The following ESRRG variants were observed in gnomAD, a reference collection of about 807,000 sequenced individuals.
The protein encoded by ESRRG is estrogen-related receptor gamma.
A neutral mutation model predicts 44.0 loss-of-function variants in ESRRG; 13 were observed. The observed-to-expected ratio is 0.30, with a 90% CI of 0.19 to 0.47. The LOEUF (loss-of-function observed/expected upper bound fraction) is 0.47. Ranked by LOEUF, ESRRG falls within the 20% of genes least tolerant of loss-of-function variation. The probability of loss-of-function intolerance (pLI) is 1.00; values close to 1 mark genes in which losing one functional copy is unlikely to be tolerated. For synonymous variants in ESRRG, 215 were observed against 214.6 expected (o/e 1.00, Z -0.02); for missense variants, 395 against 580.6 (o/e 0.68, Z 3.29).
intron 2 of ESRRG, among the ~76,000 whole-genome samples, chr1:216,908,689 AC>A (rs2059955318): frequency 6.6e-6 from 1 of 152,164 alleles, no homozygotes; most frequent in African/African-American, 2.4e-5. Context: ...AAGAGAGAGA[AC>A]AAAGAAAGAC....
chr1:216,891,889 T>G (rs1282933685), intron 2 of ESRRG, among the ~76,000 whole-genome samples: 2 of 135,254 alleles, frequency 1.5e-5, no homozygotes, highest in African/African-American at 5.7e-5. Flanking sequence ...AATCTCCACC[T>G]CCTGGGTTCA....
chr1:216,723,577 G>C, upstream of ESRRG: 1 of 447,494 alleles, frequency 2.2e-6, no homozygotes, highest in Non-Finnish European at 4.0e-6. Flanking sequence ...GAGGCTGCAC[G>C]GAGCGAGAGG....
intron 1 of ESRRG, among the ~76,000 whole-genome samples, chr1:217,084,369 T>C (rs1580503177): frequency 6.6e-6 from 1 of 152,210 alleles, no homozygotes. Context: ...ATATGGAAAT[T>C]TGCTTACAAC....
chr1:217,018,124 T>C (rs910722713), intron 1 of ESRRG, among the ~76,000 whole-genome samples: 1 of 152,210 alleles, frequency 6.6e-6, no homozygotes, highest in South Asian at 2.1e-4. Context: ...CACTTTACTA[T>C]GGAAATAATG....
chr1:216,933,181 T>C (rs1325973135), intron 2 of ESRRG, among the ~76,000 whole-genome samples: 1 of 152,170 alleles, frequency 6.6e-6, no homozygotes, highest in Non-Finnish European at 1.5e-5. Context: ...TAGTCATTGT[T>C]ATTCCCATTT....
intron 2 of ESRRG, among the ~76,000 whole-genome samples, chr1:216,656,630 C>T (rs1358096373): frequency 6.6e-6 from 1 of 152,058 alleles, no homozygotes; most frequent in Non-Finnish European, 1.5e-5. Flanking sequence ...TACAGTTTGG[C>T]AGTGAAAGGG....
intron 1 of ESRRG, among the ~76,000 whole-genome samples, chr1:217,081,128 G>T (rs2091727290): frequency 6.7e-6 from 1 of 150,002 alleles, no homozygotes; most frequent in South Asian, 2.1e-4. Flanking sequence ...AATAATTATT[G>T]ATCTACTGCT....
chr1:216,700,375 A>C (rs1352517555), intron 1 of ESRRG, among the ~76,000 whole-genome samples: 1 of 152,238 alleles, frequency 6.6e-6, no homozygotes, highest in East Asian at 1.9e-4. Context: ...TAAGCATTTT[A>C]TCAGATAAAT....
intron 1 of ESRRG, among the ~76,000 whole-genome samples, chr1:216,955,274 T>G (rs2067737354): frequency 6.6e-6 from 1 of 152,170 alleles, no homozygotes; most frequent in Non-Finnish European, 1.5e-5. Flanking sequence ...ATCTCCCATG[T>G]GTAAGAACAT....
At chr1:216,854,159 C>T (rs1405973312) in intron 2 of ESRRG, among the ~76,000 whole-genome samples, 1 of 151,844 alleles carries the variant, frequency 6.6e-6, no homozygotes, top group African/African-American at 2.4e-5. Flanking sequence ...GAGATGGAGA[C>T]CATCCTGGCC....
intron 3 of ESRRG, among the ~76,000 whole-genome samples, chr1:216,638,500 C>G (rs977814795): frequency 1.3e-5 from 2 of 152,240 alleles, no homozygotes; most frequent in Admixed American, 6.5e-5. Flanking sequence ...AGGGCTCAAT[C>G]AATAGTCACA....
chr1:216,513,220 G>C (rs928092632), intron 6 of ESRRG, among the ~76,000 whole-genome samples: 1 of 152,098 alleles, frequency 6.6e-6, no homozygotes, highest in Non-Finnish European at 1.5e-5. Flanking sequence ...GATAAAAAGA[G>C]AGAGAGAAAG....
In ESRRG at chr1:216,962,269, C is replaced by T. The variant is rs74141709; in HGVS notation, c.-105-22596G>A. ...CCTCAGTGTGAGACCCTGGCATTGC[C>T]TAAGTACTACTGAATATTGGTGACC... On this transcript the variant is annotated intron_variant, in intron 1 of 7. Transcript: ENST00000359162. Among the ~76,000 whole-genome samples, 635 of 152,270 alleles carry T rather than the reference C, an allele frequency of 4.2e-3. 5 individuals are homozygous for T. Among genetic ancestry groups the T allele is most frequent in the African/African-American group, 0.014 (601 of 41,556 alleles).
chr1:216,645,734 T>C (rs1453996571), intron 3 of ESRRG, among the ~76,000 whole-genome samples: 1 of 151,718 alleles, frequency 6.6e-6, no homozygotes, highest in African/African-American at 2.4e-5. Context: ...AAAAGTAGCA[T>C]GGTGGCATGG....
intron 2 of ESRRG, chr1:216,855,001 C>T (rs2149029460): frequency 6.6e-6 from 1 of 152,224 alleles, no homozygotes; most frequent in African/African-American, 2.4e-5. Flanking sequence ...GTGCTGGGTC[C>T]TCTGAAAATG....
intron 2 of ESRRG, among the ~76,000 whole-genome samples, chr1:216,779,146 TTA>T (rs200694503): frequency 0.055 from 6,018 of 108,478 alleles, 562 homozygotes; most frequent in African/African-American, 0.097. Flanking sequence ...AAATATATAT[TTA>T]TATATATATA....
chr1:216,933,497 C>T (rs1321311736), intron 2 of ESRRG, among the ~76,000 whole-genome samples: 1 of 152,032 alleles, frequency 6.6e-6, no homozygotes, highest in Non-Finnish European at 1.5e-5. Flanking sequence ...GTAAATACTC[C>T]CTCCATGGCT....
chr1:216,783,000 C>T (rs74898064), intron 2 of ESRRG, among the ~76,000 whole-genome samples: 2,481 of 151,918 alleles, frequency 0.016, 75 homozygotes, highest in African/African-American at 0.055. Flanking sequence ...TAAATAGCCT[C>T]ATGTGTAATT....
intron 1 of ESRRG, among the ~76,000 whole-genome samples, chr1:216,710,510 C>T (rs1364638651): frequency 6.6e-6 from 1 of 152,132 alleles, no homozygotes; most frequent in Admixed American, 6.6e-5. Flanking sequence ...CATTCCTGAG[C>T]TTTTTATGTC....
Sources: gnomAD v4.1 joint callset for allele counts (sites outside exome capture counted in the v4.1 genomes callset) on GRCh38, gnomAD v4.1.1 for gene constraint, MANE v1.5 for transcripts, NCBI Gene and HGNC (gene_info 2026-07-23, HGNC 2026-07-21) for gene names.